Variants in JKAMP observed in about 807,000 individuals in gnomAD.
JKAMP encodes JNK1/MAPK8 associated membrane protein, also known as JNK1/MAPK8-associated membrane protein.
In JKAMP, 20 loss-of-function variants were observed where a neutral mutation model predicts 40.2. The ratio of observed to expected loss-of-function variants is 0.50; its 90% CI spans 0.35 to 0.72. The LOEUF (loss-of-function observed/expected upper bound fraction) is 0.72, where lower values mean the gene tolerates loss of function less well. Ranked by LOEUF, JKAMP falls within the 30% of genes least tolerant of loss-of-function variation. JKAMP has a pLI of 0.01. For missense variants in JKAMP, 276 were observed against 373.0 expected, an observed-to-expected ratio of 0.74 and a Z score of 2.14; for synonymous variants, 138 against 131.6, an observed-to-expected ratio of 1.05 and a Z score of -0.33.
intron 6 of JKAMP, 53 bp downstream of exon 6, chr14:59,501,320 C>G: frequency 6.1e-6 from 7 of 1,144,762 alleles, no homozygotes; most frequent in Non-Finnish European, 9.1e-6. Context: ...TTTGACAATT[C>G]AATATCAGAA....
chr14:59,501,323 T>G (rs568187837), intron 6 of JKAMP, 56 bp downstream of exon 6: 2 of 1,092,304 alleles, frequency 1.8e-6, no homozygotes, highest in East Asian at 2.4e-5. Flanking sequence ...GACAATTCAA[T>G]ATCAGAATAG....
chr14:59,484,531 C>G lies in JKAMP; in HGVS notation c.-59C>G. 1 of 1,555,774 alleles carries G rather than the reference C, an allele frequency of 6.4e-7. No homozygotes were observed. Among genetic ancestry groups the G allele is most frequent in the Non-Finnish European group, 8.7e-7 (1 of 1,148,798 alleles). On this transcript the variant is annotated 5_prime_UTR_variant, in exon 1 of 7. Coordinates refer to ENST00000616435, the MANE Select transcript of JKAMP (RefSeq NM_016475.5). ...CCGAGCTCGCTGTGGCCCGGATGTT[C>G]GGTGCAGCTGCCAGATCCGCTGATC... is the stretch of plus-strand genomic sequence containing the variant.
intron 3 of JKAMP, among the ~76,000 whole-genome samples, chr14:59,493,350 T>C (rs1891179608): frequency 6.6e-6 from 1 of 152,176 alleles, no homozygotes; most frequent in Non-Finnish European, 1.5e-5. Context: ...GCCATGTGAG[T>C]TAGTCCTTTT....
intron 2 of JKAMP, 90 bp downstream of exon 2, chr14:59,486,894 C>T (rs1477998383): frequency 2.2e-6 from 2 of 915,258 alleles, no homozygotes; most frequent in Non-Finnish European, 3.4e-6. Context: ...TTATTATACT[C>T]ATTAATTTAT....
chr14:59,495,707 G>T (rs1891392327), intron 4 of JKAMP, among the ~76,000 whole-genome samples: 1 of 151,980 alleles, frequency 6.6e-6, no homozygotes, highest in African/African-American at 2.4e-5. Flanking sequence ...GATATTTTTT[G>T]GGGGAAAGGG....
rs1892141479 is a variant in JKAMP at position 59,503,843 on chromosome 14, A to C, written c.718-11A>C. On this transcript the variant is annotated splice_polypyrimidine_tract_variant and intron_variant, in intron 6 of 6. Transcript: ENST00000616435. ...GTATTTCTCTTTTCTTTCTTTTACA[A>C]AATTATATAGAACTGCTATGATCTT... The C allele has an allele frequency of 2.5e-6, 4 of 1,577,942 alleles. No individual in the cohort carries two copies. The South Asian group carries it at 4.5e-5, about 18-fold the overall frequency.
chr14:59,484,775 A>C, intron 1 of JKAMP, 182 bp downstream of exon 1: 1 of 939,424 alleles, frequency 1.1e-6, no homozygotes, highest in Non-Finnish European at 1.6e-6. Flanking sequence ...GTCTGTCCGC[A>C]ACGGGCTACT....
At chr14:59,486,556 G>A in intron 1 of JKAMP, 157 bp from the exon 2 acceptor site, 1 of 620,396 alleles carries the variant, frequency 1.6e-6, no homozygotes, top group East Asian at 2.8e-5. Context: ...CAGTGTAAAA[G>A]GAGAAATGTA....
chr14:59,486,337 A>G (rs1327444454), intron 1 of JKAMP, among the ~76,000 whole-genome samples: 1 of 152,228 alleles, frequency 6.6e-6, no homozygotes, highest in Admixed American at 6.5e-5. Flanking sequence ...TGACTGGGCA[A>G]AATACAAGGT....
At chr14:59,496,668 A>G (rs778943324) in intron 4 of JKAMP, among the ~76,000 whole-genome samples, 2 of 152,210 alleles carry the variant, frequency 1.3e-5, no homozygotes, top group Non-Finnish European at 2.9e-5. Flanking sequence ...AGTGTAGCCT[A>G]AGAATCTTGT....
At chr14:59,488,111 A>C (rs1890719261) in intron 3 of JKAMP, among the ~76,000 whole-genome samples, 1 of 152,096 alleles carries the variant, frequency 6.6e-6, no homozygotes, top group African/African-American at 2.4e-5. Context: ...AAAATTGGTT[A>C]TGATTACAAG....
At chr14:59,501,423 G>A (rs944609280) in intron 6 of JKAMP, among the ~76,000 whole-genome samples, 156 bp downstream of exon 6, 2 of 152,164 alleles carry the variant, frequency 1.3e-5, no homozygotes, top group African/African-American at 4.8e-5. Flanking sequence ...TTAACTTTAT[G>A]AAAAGTTGTG....
intron 3 of JKAMP, among the ~76,000 whole-genome samples, chr14:59,493,394 T>C (rs1319501855): frequency 6.6e-6 from 1 of 152,182 alleles, no homozygotes; most frequent in Non-Finnish European, 1.5e-5. Context: ...TCTAGACCAG[T>C]GCTTCCCAAA....
At chr14:59,491,955 C>G (rs1185286869) in intron 3 of JKAMP, among the ~76,000 whole-genome samples, 1 of 152,164 alleles carries the variant, frequency 6.6e-6, no homozygotes, top group Non-Finnish European at 1.5e-5. Context: ...GAAAGCTTCC[C>G]CATTCTCAAT....
chr14:59,502,762 T>TGTTTTGTTTTTG lies in JKAMP; in HGVS notation c.718-1092_718-1091insGTTTTGTTTTTG, dbSNP rs1566583989. Among the ~76,000 whole-genome samples, 2 of 133,616 alleles carry TGTTTTGTTTTTG rather than the reference T, an allele frequency of 1.5e-5. 1 individual carries two copies. Among genetic ancestry groups the TGTTTTGTTTTTG allele is most frequent in the African/African-American group, 5.7e-5 (2 of 35,344 alleles). The allele number at this position is 133,616 out of a possible 152,430, so 87.7% of individuals were successfully genotyped here. Reference sequence around the variant, plus strand: ...TGAATAAAATGAGATTTTTTTTTTTTTTTTTTTTTTTCGGAGTCTCACTCT... The same window carrying TGTTTTGTTTTTG: ...TGAATAAAATGAGATTTTTTTTTTTTGTTTTGTTTTTGTTTTTTTTTTTCGGAGTCTCACTCT... On this transcript the variant is annotated intron_variant, in intron 6 of 6. Coordinates refer to ENST00000616435, the MANE Select transcript of JKAMP (RefSeq NM_016475.5).
intron 6 of JKAMP, among the ~76,000 whole-genome samples, chr14:59,502,753 T>TTTGTTTTTTTTTTTTTGTTTTTG (rs1209893374): frequency 2.7e-5 from 2 of 74,948 alleles, no homozygotes; most frequent in Non-Finnish European, 2.7e-5. Flanking sequence ...AAATGAGATT[T>TTTGTTTTTTTTTTTTTGTTTTTG]TTTTTTTTTT....
chr14:59,493,779 A>C (rs2139883080), intron 3 of JKAMP, among the ~76,000 whole-genome samples: 1 of 152,352 alleles, frequency 6.6e-6, no homozygotes, highest in South Asian at 2.1e-4. Flanking sequence ...AGCCAAGACC[A>C]CCAAAGAAGT....
At chr14:59,497,433 C>T (rs1891534097) in intron 4 of JKAMP, among the ~76,000 whole-genome samples, 1 of 152,164 alleles carries the variant, frequency 6.6e-6, no homozygotes, top group Non-Finnish European at 1.5e-5. Flanking sequence ...CTTCCAGAAA[C>T]TAGTTTCCTA....
rs1253109 is a variant in JKAMP at position 59,486,661 on chromosome 14, A to T, written c.5-52A>T. On this transcript the variant is annotated intron_variant, in intron 1 of 6. Transcript: ENST00000616435. ...AAATGCTTCAGCTATTATTGCAATTATTTTTTATAATCACAAAAGATGTTA... is the reference window on the plus strand; with the variant it reads ...AAATGCTTCAGCTATTATTGCAATTTTTTTTTATAATCACAAAAGATGTTA... The T allele has an allele frequency of 0.41, 522,453 of 1,270,724 alleles. 110,945 individuals are homozygous for T. Among genetic ancestry groups the T allele is most frequent in the African/African-American group, 0.63 (41,765 of 66,152 alleles). 78.7% of individuals were successfully genotyped at this position (1,270,724 alleles called of 1,614,324 possible).
Sources: allele counts gnomAD v4.1 joint callset (sites outside exome capture counted in the v4.1 genomes callset), GRCh38; gene constraint gnomAD v4.1.1; transcripts MANE v1.5; gene names NCBI Gene and HGNC (gene_info 2026-07-23, HGNC 2026-07-21).